The following GIGYF2 variants were observed in gnomAD, a reference collection of about 807,000 sequenced individuals.
GIGYF2 encodes the protein GRB10-interacting GYF protein 2.
Under a neutral mutation model 208.1 loss-of-function variants are expected in GIGYF2, and 25 were observed. The observed-to-expected ratio is 0.12, with a 90% CI of 0.09 to 0.17. The LOEUF is 0.17. Ranked by LOEUF, GIGYF2 falls within the 10% of genes least tolerant of loss-of-function variation. The pLI is 1.00. For missense variants in GIGYF2, 1,302 were observed against 1,579.4 expected, an observed-to-expected ratio of 0.82 and a Z score of 2.98; for synonymous variants, 534 against 543.8, an observed-to-expected ratio of 0.98 and a Z score of 0.25.
chr2:232,829,277 C>G (rs1291177375), intron 21 of GIGYF2, among the ~76,000 whole-genome samples: 1 of 151,944 alleles, frequency 6.6e-6, no homozygotes, highest in East Asian at 1.9e-4. Context: ...GATTGTATTC[C>G]TTGTCTTAAA....
At chr2:232,740,063 A>G (rs1284806103) in intron 3 of GIGYF2, among the ~76,000 whole-genome samples, 1 of 151,978 alleles carries the variant, frequency 6.6e-6, no homozygotes, top group Non-Finnish European at 1.5e-5. Flanking sequence ...GGTTGCAGTG[A>G]GCTGAGATCA....
intron 3 of GIGYF2, chr2:232,736,014 G>A (rs1211394906): frequency 3.1e-6 from 3 of 980,394 alleles, no homozygotes; most frequent in Non-Finnish European, 3.6e-6. Flanking sequence ...TCAGGTGGGA[G>A]TGGTTCAATA....
chr2:232,710,161 A>T (rs554141661), intron 2 of GIGYF2, among the ~76,000 whole-genome samples: 14 of 151,930 alleles, frequency 9.2e-5, no homozygotes, highest in Non-Finnish European at 1.8e-4. Context: ...GGGTTTTACC[A>T]TGTTAGCCAG....
chr2:232,844,715 C>T lies in GIGYF2; in HGVS notation c.3305+141C>T, dbSNP rs1002639141. 59 of 691,972 alleles carry T rather than the reference C, an allele frequency of 8.5e-5. No homozygotes were observed. In the African/African-American group the frequency reaches 1.0e-3, roughly 12 times the overall value. The allele number at this position is 691,972 out of a possible 1,614,324, so 42.9% of individuals were successfully genotyped here. ...TCATCTGTGTTCAAGCACATGCAGTCATAATTATGGTGATTGCTTTCTTCC... is the reference window on the plus strand; with the variant it reads ...TCATCTGTGTTCAAGCACATGCAGTTATAATTATGGTGATTGCTTTCTTCC... On this transcript the variant is annotated intron_variant, in intron 25 of 28. Coordinates refer to ENST00000373563, the MANE Select transcript of GIGYF2 (RefSeq NM_001103146.3).
intron 18 of GIGYF2, among the ~76,000 whole-genome samples, chr2:232,814,928 G>A (rs1370033199): frequency 6.6e-6 from 1 of 152,180 alleles, no homozygotes; most frequent in Non-Finnish European, 1.5e-5. Context: ...ATGCTGAAAA[G>A]TGGTGCTAGA....
chr2:232,776,585 C>T (rs1195575171), intron 8 of GIGYF2: 6 of 722,568 alleles, frequency 8.3e-6, no homozygotes, highest in Non-Finnish European at 1.5e-5. Context: ...GCTTACATTC[C>T]TCTGTTTATA....
intron 23 of GIGYF2, among the ~76,000 whole-genome samples, 172 bp downstream of exon 23, chr2:232,840,143 G>A (rs1043579523): frequency 2.0e-5 from 3 of 152,246 alleles, no homozygotes; most frequent in South Asian, 4.2e-4. Context: ...AAATGTGAAG[G>A]ATCTCATAGG....
rs1700732562 is a variant in GIGYF2 at position 232,811,455 on chromosome 2, A to C, written c.2006+104A>C. On this transcript the variant is annotated intron_variant, in intron 17 of 28. Coordinates refer to ENST00000373563, the MANE Select transcript of GIGYF2 (RefSeq NM_001103146.3). ...AGTGTGTGATTTCTGGCACTGGAAC[A>C]CTCCCAACACATACCTGCATGTTGT... is the stretch of plus-strand genomic sequence containing the variant. 9.4e-6 allele frequency: 7 copies of C among 748,018 alleles called. No individual in the cohort carries two copies. In the East Asian group the frequency reaches 1.3e-4, roughly 14 times the overall value. The allele number at this position is 748,018 out of a possible 1,614,324, so 46.3% of individuals were successfully genotyped here.
intron 12 of GIGYF2, among the ~76,000 whole-genome samples, chr2:232,793,739 T>C (rs1214917328): frequency 6.6e-6 from 1 of 151,876 alleles, no homozygotes; most frequent in Non-Finnish European, 1.5e-5. Flanking sequence ...TTTTAAAGGG[T>C]AGAAGAAGAG....
At chr2:232,757,773 C>CCT (rs1698605895) in intron 6 of GIGYF2, among the ~76,000 whole-genome samples, 1 of 135,850 alleles carries the variant, frequency 7.4e-6, no homozygotes, top group African/African-American at 2.7e-5. Context: ...AACAGCACCC[C>CCT]CCGCCCCCCG....
chr2:232,758,003 G>A (rs1266821300), intron 6 of GIGYF2, among the ~76,000 whole-genome samples: 7 of 152,150 alleles, frequency 4.6e-5, no homozygotes, highest in African/African-American at 7.2e-5. Flanking sequence ...AGAATGGCAC[G>A]AAACTAGTCA....
chr2:232,749,103 C>T (rs192688643), intron 5 of GIGYF2, 21 bp downstream of exon 5: 1 of 1,144,302 alleles, frequency 8.7e-7, no homozygotes, highest in Non-Finnish European at 1.3e-6. Context: ...AGCTCTGAGC[C>T]CCAGCAAACT....
At chr2:232,836,303 TA>T (rs1701610038) in intron 22 of GIGYF2, among the ~76,000 whole-genome samples, 2 of 17,828 alleles carry the variant, frequency 1.1e-4, no homozygotes, top group Non-Finnish European at 2.5e-4. Context: ...TATATATATA[TA>T]TATATATATA....
chr2:232,856,084 C>T lies in GIGYF2; in HGVS notation c.3833-709C>T, dbSNP rs2106438233. ...TAGCTGGGACTACAGGTGCCCACCA[C>T]CACACCTAGCTAATGTTTTTTTGTA... On this transcript the variant is annotated intron_variant, in intron 28 of 28. Coordinates refer to ENST00000373563, the MANE Select transcript of GIGYF2 (RefSeq NM_001103146.3). Among the ~76,000 whole-genome samples the T allele has an allele frequency of 1.3e-5, 2 of 152,174 alleles. 1 individual carries two copies. The highest frequency in any genetic ancestry group is 6.8e-3 in the Middle Eastern group (2 of 294).
intron 8 of GIGYF2, among the ~76,000 whole-genome samples, chr2:232,785,458 A>G (rs283476): frequency 0.34 from 51,342 of 152,084 alleles, 9,035 homozygotes; most frequent in South Asian, 0.62. Context: ...TTTGCCATGC[A>G]AGCTTCTCCA....
At chr2:232,723,748 T>G (rs1374830979) in intron 2 of GIGYF2, among the ~76,000 whole-genome samples, 1 of 145,162 alleles carries the variant, frequency 6.9e-6, no homozygotes, top group Admixed American at 6.9e-5. Context: ...TTTTTTTTTT[T>G]TGAGATGGAG....
intron 15 of GIGYF2, among the ~76,000 whole-genome samples, chr2:232,808,287 A>G (rs1368918695): frequency 6.6e-6 from 1 of 152,228 alleles, no homozygotes; most frequent in African/African-American, 2.4e-5. Context: ...CTCTGAAATT[A>G]AGATGAGTTT....
At chr2:232,744,340 C>G (rs76522868) in intron 3 of GIGYF2, among the ~76,000 whole-genome samples, 9,138 of 152,126 alleles carry the variant, frequency 0.06, 292 homozygotes, top group Non-Finnish European at 0.076. Context: ...TTTGCCAATA[C>G]CAGAATGATT....
intron 5 of GIGYF2, among the ~76,000 whole-genome samples, chr2:232,749,721 A>G (rs917369932): frequency 9.2e-5 from 14 of 152,368 alleles, no homozygotes; most frequent in East Asian, 1.9e-4. Context: ...ATGGGCATCC[A>G]TACGGGAAGA....
Sources: allele counts gnomAD v4.1 joint callset (sites outside exome capture counted in the v4.1 genomes callset), GRCh38; gene constraint gnomAD v4.1.1; transcripts MANE v1.5; gene names NCBI Gene and HGNC (gene_info 2026-07-23, HGNC 2026-07-21).